The following FARS2 variants were observed in gnomAD, a reference collection of about 807,000 sequenced individuals.
FARS2 encodes phenylalanine--tRNA ligase, mitochondrial.
A neutral mutation model predicts 46.4 loss-of-function variants in FARS2; 40 were observed. The observed-to-expected ratio is 0.86, with a 90% confidence interval of 0.67 to 1.12. The LOEUF is 1.12. FARS2 is among the 50% of genes most tolerant of loss of function. The pLI is 0.00. For missense variants in FARS2, 513 were observed against 567.9 expected (o/e 0.90, Z 0.98); for synonymous variants, 234 against 214.9 (o/e 1.09, Z -0.78).
Position 5,340,974 on chromosome 6 carries a change from C to A in FARS2, c.-21-27576C>A, listed in dbSNP as rs183456467. Among the ~76,000 whole-genome samples the A allele has an allele frequency of 8.3e-4, 126 of 151,392 alleles. 1 individual carries two copies. Among genetic ancestry groups the A allele is most frequent in the African/African-American group, 3.0e-3 (123 of 41,298 alleles). ...CAGCCTGACCAACATGATGAAACCC[C>A]GTCTCTGCTAAAAATACAAAAAAAT... On this transcript the variant is annotated intron_variant, in intron 1 of 6. Transcript: ENST00000274680.
intron 1 of FARS2, among the ~76,000 whole-genome samples, chr6:5,363,616 G>C (rs1581889177): frequency 2.6e-5 from 4 of 152,252 alleles, no homozygotes; most frequent in Admixed American, 2.6e-4. Flanking sequence ...CAGGCTAGTA[G>C]GAATACAGAC....
In FARS2 at chr6:5,557,738, A is replaced by C. The variant is rs778371718; in HGVS notation, c.1065+12398A>C. 2.1e-4 allele frequency among the ~76,000 whole-genome samples: 32 copies of C among 152,040 alleles called. 1 individual carries two copies. Among genetic ancestry groups the C allele is most frequent in the Non-Finnish European group, 1.3e-4 (9 of 68,016 alleles). On this transcript the variant is annotated intron_variant, in intron 5 of 6. Transcript: ENST00000274680. ...CTATCTTCTGCTGACTAATGCTTGAAATCTCCCCTTAGAGCTCGCCTCCTT... is the reference window on the plus strand; with the variant it reads ...CTATCTTCTGCTGACTAATGCTTGACATCTCCCCTTAGAGCTCGCCTCCTT...
chr6:5,412,963 T>G lies in FARS2; in HGVS notation c.772+8262T>G, dbSNP rs564759421. Among the ~76,000 whole-genome samples, 152 of 152,304 alleles carry G rather than the reference T, an allele frequency of 1.0e-3. 2 individuals are homozygous for G. The South Asian group carries it at 0.031, about 31-fold the overall frequency. ...GCCAACACCTTCAACCTCTGAGACT[T>G]GGGATCATTAACTGTGAAAAGTGAA... On this transcript the variant is annotated intron_variant, in intron 3 of 6. Transcript: ENST00000274680.
At chr6:5,282,352 A>G (rs562917789) in intron 1 of FARS2, among the ~76,000 whole-genome samples, 1 of 152,300 alleles carries the variant, frequency 6.6e-6, no homozygotes, top group African/African-American at 2.4e-5. Flanking sequence ...TGCAAAAGAA[A>G]CACATGGTCC....
chr6:5,547,735 G>A (rs1771121843), intron 5 of FARS2, among the ~76,000 whole-genome samples: 1 of 152,238 alleles, frequency 6.6e-6, no homozygotes, highest in Non-Finnish European at 1.5e-5. Context: ...GCCAGCCCAT[G>A]CTTGGCTGAC....
chr6:5,767,057 A>C (rs1762789362), intron 6 of FARS2, among the ~76,000 whole-genome samples: 1 of 151,574 alleles, frequency 6.6e-6, no homozygotes, highest in Non-Finnish European at 1.5e-5. Flanking sequence ...TAATCCATCC[A>C]AAAAAAATTT....
intron 5 of FARS2, among the ~76,000 whole-genome samples, chr6:5,571,039 A>T (rs1289306252): frequency 6.6e-6 from 1 of 152,218 alleles, no homozygotes; most frequent in Non-Finnish European, 1.5e-5. Context: ...TTTCGTGAAG[A>T]CTTGGTAACT....
intron 4 of FARS2, among the ~76,000 whole-genome samples, chr6:5,506,033 A>T (rs1768079478): frequency 6.6e-6 from 1 of 152,184 alleles, no homozygotes; most frequent in East Asian, 1.9e-4. Flanking sequence ...TCCTCAGCTG[A>T]TGGAATCACA....
intron 4 of FARS2, among the ~76,000 whole-genome samples, chr6:5,443,444 T>A (rs1763955887): frequency 1.3e-5 from 2 of 152,224 alleles, no homozygotes; most frequent in Admixed American, 6.5e-5. Flanking sequence ...CTCTGCCCTG[T>A]TGATTTGGAG....
intron 4 of FARS2, among the ~76,000 whole-genome samples, chr6:5,456,800 C>T (rs1764910088): frequency 6.7e-6 from 1 of 150,044 alleles, no homozygotes; most frequent in African/African-American, 2.5e-5. Flanking sequence ...GAAAGTGAGG[C>T]TCCATCTTAC....
At chr6:5,318,376 C>CA (rs1277470979) in intron 1 of FARS2, among the ~76,000 whole-genome samples, 1,057 of 26,590 alleles carry the variant, frequency 0.04, 21 homozygotes, top group African/African-American at 0.15. Flanking sequence ...AGCAAACAAG[C>CA]AAAAAAAAAC....
chr6:5,624,940 G>C (rs1288015323), intron 6 of FARS2, among the ~76,000 whole-genome samples: 1 of 150,954 alleles, frequency 6.6e-6, no homozygotes, highest in Admixed American at 6.7e-5. Context: ...ACCCAAATTC[G>C]ATGTCCAGAG....
intron 1 of FARS2, among the ~76,000 whole-genome samples, chr6:5,302,537 A>G (rs1768391975): frequency 6.6e-6 from 1 of 152,206 alleles, no homozygotes; most frequent in Non-Finnish European, 1.5e-5. Flanking sequence ...CTTTACTTGC[A>G]CACTGAATCC....
intron 1 of FARS2, among the ~76,000 whole-genome samples, chr6:5,350,048 C>T (rs1561976392): frequency 6.6e-6 from 1 of 152,098 alleles, no homozygotes; most frequent in South Asian, 2.1e-4. Flanking sequence ...ATTCTTCCCC[C>T]ACCCCTTTCT....
intron 1 of FARS2, among the ~76,000 whole-genome samples, chr6:5,366,838 C>T (rs974213909): frequency 6.6e-6 from 1 of 152,134 alleles, no homozygotes; most frequent in South Asian, 2.1e-4. Context: ...TAGCTAATAA[C>T]CTAACAGTTT....
chr6:5,600,879 G>T (rs1344508976), intron 5 of FARS2, among the ~76,000 whole-genome samples: 1 of 152,200 alleles, frequency 6.6e-6, no homozygotes, highest in Non-Finnish European at 1.5e-5. Flanking sequence ...CTAAATGTTT[G>T]TGTCCCTCCC....
intron 1 of FARS2, among the ~76,000 whole-genome samples, chr6:5,310,914 A>C (rs770985571): frequency 5.3e-5 from 8 of 152,350 alleles, no homozygotes; most frequent in South Asian, 4.1e-4. Context: ...GAGCAATCTC[A>C]CTTGAGTGGA....
intron 6 of FARS2, among the ~76,000 whole-genome samples, chr6:5,671,879 A>T (rs1433307225): frequency 1.3e-5 from 2 of 152,170 alleles, no homozygotes. Flanking sequence ...GCCAAAAATC[A>T]CTGTAGGGGG....
At chr6:5,745,146 A>G (rs1403658153) in intron 6 of FARS2, among the ~76,000 whole-genome samples, 1 of 152,272 alleles carries the variant, frequency 6.6e-6, no homozygotes, top group Non-Finnish European at 1.5e-5. Context: ...GCAGCAATGA[A>G]GCTATTATTA....
Sources: allele counts gnomAD v4.1 joint callset (sites outside exome capture counted in the v4.1 genomes callset), GRCh38; gene constraint gnomAD v4.1.1; transcripts MANE v1.5; gene names NCBI Gene and HGNC (gene_info 2026-07-23, HGNC 2026-07-21).